The following SYT1 variants were observed in gnomAD, a reference collection of about 807,000 sequenced individuals.
SYT1 encodes synaptotagmin 1, also known as synaptotagmin-1.
In SYT1, 8 loss-of-function variants were observed where a neutral mutation model predicts 44.8. That is an observed-to-expected ratio of 0.18 (90% CI 0.10 to 0.32). The LOEUF (loss-of-function observed/expected upper bound fraction) is 0.32, where lower values mean the gene tolerates loss of function less well. SYT1 is among the 10% of genes least tolerant of loss of function. The pLI, the probability that SYT1 is intolerant of heterozygous loss-of-function variation, is 1.00. For synonymous variants in SYT1, 154 were observed against 188.8 expected, an observed-to-expected ratio of 0.82 and a Z score of 1.51; for missense variants, 286 against 509.3, an observed-to-expected ratio of 0.56 and a Z score of 4.22.
chr12:79,387,891 C>A (rs1220018711), intron 9 of SYT1, among the ~76,000 whole-genome samples: 5 of 152,184 alleles, frequency 3.3e-5, no homozygotes, highest in Non-Finnish European at 7.3e-5. Context: ...TAGATCCAGA[C>A]TGTTTATGTT....
At chr12:78,918,133 A>G (rs1876772238) in intron 1 of SYT1, among the ~76,000 whole-genome samples, 1 of 152,110 alleles carries the variant, frequency 6.6e-6, no homozygotes, top group Non-Finnish European at 1.5e-5. Flanking sequence ...ACTTTTTCAG[A>G]CGCTATGCTT....
chr12:79,312,520 A>G (rs1880859953), intron 8 of SYT1, among the ~76,000 whole-genome samples: 1 of 152,024 alleles, frequency 6.6e-6, no homozygotes, highest in African/African-American at 2.4e-5. Flanking sequence ...TTTTGATAAA[A>G]GAACAAAAAA....
intron 4 of SYT1, among the ~76,000 whole-genome samples, chr12:79,218,453 G>A (rs1918196): frequency 0.71 from 106,956 of 151,504 alleles, 38,242 homozygotes; most frequent in African/African-American, 0.78. Flanking sequence ...ATCATGTTGT[G>A]CAAAAGATCT....
intron 8 of SYT1, among the ~76,000 whole-genome samples, chr12:79,313,962 G>C (rs1280331293): frequency 1.3e-5 from 2 of 148,842 alleles, no homozygotes; most frequent in South Asian, 2.1e-4. Context: ...GAGGTCAGGA[G>C]ATCGAGACCA....
At chr12:79,081,670 T>C (rs1027840914) in intron 3 of SYT1, among the ~76,000 whole-genome samples, 1 of 152,174 alleles carries the variant, frequency 6.6e-6, no homozygotes, top group African/African-American at 2.4e-5. Flanking sequence ...TGAGCCACGG[T>C]GCCCAGCCCA....
chr12:79,050,490 C>T (rs945001620), intron 3 of SYT1, among the ~76,000 whole-genome samples: 1 of 152,030 alleles, frequency 6.6e-6, no homozygotes, highest in African/African-American at 2.4e-5. Flanking sequence ...ATAGTCTCCT[C>T]CTTGTAAACT....
chr12:79,262,931 A>T (rs1877912187), intron 4 of SYT1, among the ~76,000 whole-genome samples: 1 of 152,210 alleles, frequency 6.6e-6, no homozygotes, highest in Admixed American at 6.5e-5. Flanking sequence ...AAAAGAGAAA[A>T]CCGAGGCATA....
At chr12:78,938,499 T>C (rs1303396920) in intron 1 of SYT1, among the ~76,000 whole-genome samples, 1 of 152,196 alleles carries the variant, frequency 6.6e-6, no homozygotes, top group Non-Finnish European at 1.5e-5. Flanking sequence ...CTTTGGCTTC[T>C]ATGGACATAT....
At chr12:78,984,560 T>C (rs879429253) in intron 2 of SYT1, among the ~76,000 whole-genome samples, 33 of 152,070 alleles carry the variant, frequency 2.2e-4, no homozygotes, top group Non-Finnish European at 5.9e-5. Context: ...AAAAACCTAA[T>C]GTGTCTATTT....
intron 8 of SYT1, among the ~76,000 whole-genome samples, chr12:79,340,681 C>G (rs1023535424): frequency 7.2e-5 from 11 of 152,118 alleles, no homozygotes; most frequent in African/African-American, 2.7e-4. Flanking sequence ...CCTGATTGCC[C>G]TCTGGCCAAC....
chr12:78,976,439 A>C (rs1264615764), intron 1 of SYT1, among the ~76,000 whole-genome samples: 5 of 152,194 alleles, frequency 3.3e-5, no homozygotes, highest in Admixed American at 3.3e-4. Context: ...CGTTTTCCCA[A>C]ACCCTGTAAA....
At chr12:79,213,557 G>A (rs1874595825) in intron 3 of SYT1, among the ~76,000 whole-genome samples, 1 of 152,190 alleles carries the variant, frequency 6.6e-6, no homozygotes, top group South Asian at 2.1e-4. Context: ...CTCAATAACT[G>A]TTAGCTTATT....
intron 2 of SYT1, among the ~76,000 whole-genome samples, chr12:79,029,273 A>G (rs906918894): frequency 6.6e-6 from 1 of 150,950 alleles, no homozygotes; most frequent in East Asian, 2.0e-4. Flanking sequence ...TACTCCATAT[A>G]TCAGCATCAA....
chr12:79,344,600 G>A (rs939769718), intron 8 of SYT1, among the ~76,000 whole-genome samples: 7 of 152,058 alleles, frequency 4.6e-5, no homozygotes, highest in East Asian at 1.9e-4. Flanking sequence ...CTATAGGCAC[G>A]CATCACACCA....
intron 1 of SYT1, among the ~76,000 whole-genome samples, chr12:78,918,387 C>T (rs921718457): frequency 1.3e-5 from 2 of 152,036 alleles, no homozygotes; most frequent in African/African-American, 4.8e-5. Flanking sequence ...ATGCAGCATT[C>T]ATGTGTAATT....
At chr12:78,987,619 T>C (rs1483323357) in intron 2 of SYT1, among the ~76,000 whole-genome samples, 5 of 152,024 alleles carry the variant, frequency 3.3e-5, no homozygotes, top group African/African-American at 1.2e-4. Context: ...TATGAAACCT[T>C]ACTTGAGCCT....
intron 2 of SYT1, among the ~76,000 whole-genome samples, chr12:79,005,123 A>G (rs1034896322): frequency 6.6e-6 from 1 of 151,846 alleles, no homozygotes; most frequent in African/African-American, 2.4e-5. Flanking sequence ...TGCTAATTTT[A>G]TTTTCCTTAG....
chr12:78,918,959 A>G (rs1267594886), intron 1 of SYT1, among the ~76,000 whole-genome samples: 4 of 152,074 alleles, frequency 2.6e-5, no homozygotes, highest in Non-Finnish European at 5.9e-5. Context: ...TTATTTGGAA[A>G]GAAAAATGGT....
chr12:79,266,652 A>G (rs1336231076), intron 4 of SYT1, among the ~76,000 whole-genome samples: 1 of 152,200 alleles, frequency 6.6e-6, no homozygotes, highest in Non-Finnish European at 1.5e-5. Context: ...ATCAAGGATC[A>G]TGGGAGTTGT....
Sources: allele counts gnomAD v4.1 joint callset (sites outside exome capture counted in the v4.1 genomes callset), GRCh38; gene constraint gnomAD v4.1.1; transcripts MANE v1.5; gene names NCBI Gene and HGNC (gene_info 2026-07-23, HGNC 2026-07-21).